The following POLR3E variants were observed in gnomAD, a reference collection of about 807,000 sequenced individuals.
POLR3E encodes RNA polymerase III subunit E, also known as DNA-directed RNA polymerase III subunit RPC5.
A neutral mutation model predicts 96.6 loss-of-function variants in POLR3E; 41 were observed. The observed-to-expected ratio is 0.42, with a 90% CI of 0.33 to 0.55. POLR3E has a LOEUF of 0.55. Among genes scored for constraint, POLR3E ranks in the 20% least tolerant of loss-of-function variants. POLR3E has a pLI of 0.06. For synonymous variants in POLR3E, 396 were observed against 383.6 expected (o/e 1.03, Z -0.38); for missense variants, 849 against 952.1 (o/e 0.89, Z 1.43).
chr16:22,312,358 G>T (rs796838520), intron 6 of POLR3E, among the ~76,000 whole-genome samples: 2 of 152,198 alleles, frequency 1.3e-5, no homozygotes, highest in African/African-American at 4.8e-5. Context: ...TTAGCCAGGC[G>T]TGGTGGTGAG....
chr16:22,305,103 G>T (rs2048106937), intron 2 of POLR3E, 53 bp from the exon 3 acceptor site: 1 of 1,419,180 alleles, frequency 7.0e-7, no homozygotes, highest in Non-Finnish European at 1.0e-6. Context: ...ATAGCCCGGG[G>T]AGGTCAGCAC....
intron 19 of POLR3E, 141 bp from the exon 20 acceptor site, chr16:22,331,919 A>C: frequency 1.3e-6 from 1 of 771,836 alleles, no homozygotes; most frequent in Non-Finnish European, 2.1e-6. Context: ...GACTTGGCTC[A>C]TCTTTAACCA....
Position 22,324,402 on chromosome 16 carries a change from A to T in POLR3E, c.1117A>T (p.Thr373Ser), listed in dbSNP as rs2048534172. 6.2e-7 allele frequency: 1 copy of T among 1,612,324 alleles called. No individual in the cohort carries two copies. ...SRWVVRKEVA[T>S]VTKLCAEDVK... ...CTGGGTGGTTAGGAAAGAGGTGGCA[A>T]CCGTGACCAAAGTAAGTGGCGTTTT... Residue 373 changes from threonine (T) to serine (S), a missense_variant, in exon 15 of 21, where the codon ACC (threonine) becomes TCC (serine). Coordinates refer to ENST00000299853, the MANE Select transcript of POLR3E (RefSeq NM_018119.4).
rs797017637 is a variant in POLR3E at position 22,315,247 on chromosome 16, G to A, written c.642+39G>A. On this transcript the variant is annotated intron_variant, in intron 9 of 20. Transcript: ENST00000299853. ...CGTGGGGTCCTGGGGGAAACACCTC[G>A]GTGCCCGGAAGGGTCATGGTGTGGC... The A allele has an allele frequency of 1.6e-5, 25 of 1,553,424 alleles. No individual in the cohort carries two copies. In the African/African-American group the frequency reaches 2.5e-4, roughly 15 times the overall value.
intron 1 of POLR3E, among the ~76,000 whole-genome samples, chr16:22,299,623 A>G (rs2047979573): frequency 6.6e-6 from 1 of 151,952 alleles, no homozygotes; most frequent in African/African-American, 2.4e-5. Context: ...CTTATTGGCC[A>G]GGCTTTTCTG....
chr16:22,303,199 T>G (rs2048063251), intron 2 of POLR3E, among the ~76,000 whole-genome samples, 195 bp downstream of exon 2: 1 of 152,042 alleles, frequency 6.6e-6, no homozygotes, highest in African/African-American at 2.4e-5. Flanking sequence ...AGGTCTCTGA[T>G]CTGGCATCAC....
chr16:22,332,042 G>T lies in POLR3E; in HGVS notation c.1945-18G>T. On this transcript the variant is annotated intron_variant, in intron 19 of 20. Transcript: ENST00000299853. ...TTAGATCACTGTTTCCCATCATAAC[G>T]TGTTTTTGCTACTAAAGCATCGACA... is the stretch of plus-strand genomic sequence containing the variant. 6.2e-7 allele frequency: 1 copy of T among 1,611,490 alleles called. No individual in the cohort carries two copies. Among genetic ancestry groups the T allele is most frequent in the East Asian group, 2.2e-5 (1 of 44,778 alleles).
chr16:22,332,121 A>G lies in POLR3E; in HGVS notation c.2006A>G (p.Gln669Arg), dbSNP rs2141827768. ...KNYRVRRNMI[Q>R]SRLTQECGED... ...TACCGGGTACGCCGAAACATGATCC[A>G]GTCTCGGTTGACTCAAGAGTGTGGA... Residue 669 changes from glutamine (Q) to arginine (R), a missense_variant, in exon 20 of 21, where the codon CAG becomes CGG. By Grantham distance (43) the Gln-to-Arg change is conservative (BLOSUM62 1). Transcript: ENST00000299853. 1 of 1,613,392 alleles carries G rather than the reference A, an allele frequency of 6.2e-7. No individual in the cohort carries two copies. The highest frequency in any genetic ancestry group is 8.5e-7 in the Non-Finnish European group (1 of 1,179,300).
intron 13 of POLR3E, among the ~76,000 whole-genome samples, chr16:22,319,601 G>C (rs1308110252): frequency 1.3e-5 from 2 of 151,976 alleles, no homozygotes; most frequent in Non-Finnish European, 2.9e-5. Flanking sequence ...GGGTTTCACT[G>C]TGTTAGCCAA....
intron 3 of POLR3E, among the ~76,000 whole-genome samples, chr16:22,306,971 T>C (rs1036672282): frequency 1.3e-5 from 2 of 152,234 alleles, no homozygotes; most frequent in African/African-American, 4.8e-5. Context: ...TTCACCCTTA[T>C]GGGCCGTGGG....
intron 6 of POLR3E, among the ~76,000 whole-genome samples, chr16:22,310,826 G>A (rs527380434): frequency 7.2e-5 from 11 of 152,196 alleles, no homozygotes; most frequent in African/African-American, 2.6e-4. Context: ...GGAAGCTGAG[G>A]TGGGAGGATT....
chr16:22,309,020 C>T lies in POLR3E; in HGVS notation c.261C>T (p.Asp87=), dbSNP rs758408162. The change falls in exon 5 of 21, where the codon GAC becomes GAT. Residue 87 remains aspartate (D), a synonymous_variant. Transcript: ENST00000299853. ...TGAACGTGGACGGGGCCTGCGCCGA[C>T]GAGACCAGCACGTATTCCTCGTGAG... is the stretch of plus-strand genomic sequence containing the variant. ...IALNVDGACA[D]ETSTYSSKLM... is the part of the protein sequence containing the mutation. The T allele has an allele frequency of 1.2e-5, 19 of 1,612,952 alleles. No homozygotes were observed. The highest frequency in any genetic ancestry group is 4.4e-5 in the South Asian group (4 of 91,070).
At position 22,326,107 on chromosome 16, in the gene POLR3E, C is replaced by G; in HGVS notation, c.1695C>G (p.Phe565Leu). 1 of 1,613,840 alleles carries G rather than the reference C, an allele frequency of 6.2e-7. No homozygotes were observed. The highest frequency in any genetic ancestry group is 8.5e-7 in the Non-Finnish European group (1 of 1,179,960). ...STPVARELKAFVEATFQRQFV... is the reference protein window; with the variant it reads ...STPVARELKALVEATFQRQFV... ...CTGTGGCTCGGGAACTGAAGGCCTT[C>G]GTGGAGGCCACCTTTCAGAGACAGT... Residue 565 changes from phenylalanine (F) to leucine (L), a missense_variant, in exon 18 of 21, where the codon TTC becomes TTG. Coordinates refer to ENST00000299853, the MANE Select transcript of POLR3E (RefSeq NM_018119.4).
At chr16:22,317,363 C>T (rs768840256) in intron 12 of POLR3E, among the ~76,000 whole-genome samples, 157 bp downstream of exon 12, 12 of 152,238 alleles carry the variant, frequency 7.9e-5, no homozygotes, top group Non-Finnish European at 1.6e-4. Context: ...GGAAAGATAA[C>T]GCAGGACGGC....
intron 5 of POLR3E, 88 bp from the exon 6 acceptor site, chr16:22,309,340 A>G: frequency 2.0e-6 from 2 of 1,021,956 alleles, no homozygotes; most frequent in South Asian, 2.5e-5. Flanking sequence ...GCACTTCAGA[A>G]AGTGTCTAGG....
At chr16:22,305,251 G>A (rs1221976118) in intron 3 of POLR3E, 45 bp downstream of exon 3, 2 of 1,385,806 alleles carry the variant, frequency 1.4e-6, no homozygotes, top group South Asian at 2.3e-5. Context: ...GCAGGTGTGG[G>A]TGGGTGGTGT....
chr16:22,308,731 T>C (rs750035457), intron 4 of POLR3E, among the ~76,000 whole-genome samples, 194 bp from the exon 5 acceptor site: 6 of 152,220 alleles, frequency 3.9e-5, no homozygotes, highest in Non-Finnish European at 7.3e-5. Flanking sequence ...CTCCACTTCC[T>C]TCTGACATTT....
chr16:22,321,751 C>A (rs567763040), intron 13 of POLR3E, among the ~76,000 whole-genome samples: 4 of 152,326 alleles, frequency 2.6e-5, no homozygotes, highest in African/African-American at 9.6e-5. Flanking sequence ...TTTAGTTTCG[C>A]CCTGTCCTGG....
chr16:22,324,765 C>G (rs1284260920), intron 16 of POLR3E, 105 bp downstream of exon 16: 2 of 1,260,532 alleles, frequency 1.6e-6, no homozygotes, highest in Non-Finnish European at 2.3e-6. Context: ...AACCCCACAT[C>G]TGGGGAGAGC....
Sources: gnomAD v4.1 joint callset for allele counts (sites outside exome capture counted in the v4.1 genomes callset) on GRCh38, gnomAD v4.1.1 for gene constraint, MANE v1.5 for transcripts, NCBI Gene and HGNC (gene_info 2026-07-23, HGNC 2026-07-21) for gene names.